Variants in OSBP observed in about 807,000 individuals in gnomAD.
OSBP encodes the protein oxysterol-binding protein 1.
Under a neutral mutation model 96.6 loss-of-function variants are expected in OSBP, and 32 were observed. The observed-to-expected ratio is 0.33, with a 90% CI of 0.25 to 0.45. The LOEUF (loss-of-function observed/expected upper bound fraction) is 0.45. Ranked by LOEUF, OSBP falls within the 20% of genes least tolerant of loss-of-function variation. The probability of loss-of-function intolerance (pLI) is 1.00; values close to 1 mark genes in which losing one functional copy is unlikely to be tolerated. For synonymous variants in OSBP, 369 were observed against 389.6 expected, an observed-to-expected ratio of 0.95 and a Z score of 0.62; for missense variants, 653 against 1,029.7, an observed-to-expected ratio of 0.63 and a Z score of 5.01.
chr11:59,584,142 C>T (rs925646050), intron 9 of OSBP, among the ~76,000 whole-genome samples: 1 of 151,696 alleles, frequency 6.6e-6, no homozygotes, highest in Non-Finnish European at 1.5e-5. Context: ...ACACAGGGTT[C>T]CACTATGTTG....
Position 59,601,694 on chromosome 11 carries a change from G to A in OSBP, c.967C>T (p.Arg323Ter). 1 of 1,613,614 alleles carries A rather than the reference G, an allele frequency of 6.2e-7. No individual in the cohort carries two copies. Among genetic ancestry groups the A allele is most frequent in the Non-Finnish European group, 8.5e-7 (1 of 1,180,026 alleles). ...KQHNHLERAF[R>*]GATVLPANTP... ...TTTGCCGGCAGCACCGTGGCTCCTC[G>A]GAAGGCCCTCTCCAGGTGATTATGC... is the stretch of plus-strand genomic sequence containing the variant. The change falls in exon 4 of 14, where the codon CGA becomes TGA. Residue 323 changes from arginine (R) to a stop codon, truncating the protein, a stop_gained. Coordinates refer to ENST00000263847, the MANE Select transcript of OSBP (RefSeq NM_002556.3). LOFTEE classifies it high-confidence loss of function.
At chr11:59,578,029 T>A in intron 12 of OSBP, 120 bp downstream of exon 12, 2 of 885,464 alleles carry the variant, frequency 2.3e-6, no homozygotes, top group Non-Finnish European at 3.5e-6. Context: ...TCCAAAAGTC[T>A]CAATTTCCCT....
At chr11:59,608,845 G>A (rs945200228) in intron 2 of OSBP, 111 bp from the exon 3 acceptor site, 65 of 1,102,358 alleles carry the variant, frequency 5.9e-5, no homozygotes, top group Non-Finnish European at 8.4e-5. Flanking sequence ...TGTGCATTCT[G>A]ACTCACTGAA....
At chr11:59,602,573 T>C (rs1346758366) in intron 3 of OSBP, among the ~76,000 whole-genome samples, 7 of 152,220 alleles carry the variant, frequency 4.6e-5, no homozygotes. Context: ...CTGCCTTGTA[T>C]TCTCCTCGCC....
At position 59,589,982 on chromosome 11, in the gene OSBP, CA is replaced by C. The variant is rs542895783; in HGVS notation, c.1678+3621del. On this transcript the variant is annotated intron_variant, in intron 9 of 13. Coordinates refer to ENST00000263847, the MANE Select transcript of OSBP (RefSeq NM_002556.3). ...TGGGTGACAGAGCAAGACTCAGTCT[CA>C]AAAAAAAAAAAGAAATTCATATTTG... Among the ~76,000 whole-genome samples, 295 of 135,844 alleles carry C rather than the reference CA, an allele frequency of 2.2e-3. 1 individual carries two copies. Among genetic ancestry groups the C allele is most frequent in the African/African-American group, 5.6e-3 (207 of 37,070 alleles). The allele number at this position is 135,844 out of a possible 152,430, so 89.1% of individuals were successfully genotyped here. A position where few individuals can be genotyped will look rare whatever the true frequency, so the allele number is the denominator to read the frequency against.
At chr11:59,600,391 T>C in intron 7 of OSBP, 105 bp downstream of exon 7, 1 of 1,208,346 alleles carries the variant, frequency 8.3e-7, no homozygotes, top group Non-Finnish European at 1.2e-6. Flanking sequence ...AAAAAGACCA[T>C]GCCACAAACT....
chr11:59,601,959 CT>C, intron 3 of OSBP, 121 bp from the exon 4 acceptor site: 1 of 818,042 alleles, frequency 1.2e-6, no homozygotes, highest in Non-Finnish European at 1.9e-6. Context: ...CAATGAAAGA[CT>C]TTCCCTTTTA....
intron 7 of OSBP, among the ~76,000 whole-genome samples, chr11:59,598,524 G>A (rs1860683999): frequency 6.6e-6 from 1 of 152,146 alleles, no homozygotes. Flanking sequence ...CCAGCTAACT[G>A]TGGCCATATA....
chr11:59,601,570 T>C, intron 4 of OSBP, 70 bp downstream of exon 4: 2 of 1,405,608 alleles, frequency 1.4e-6, no homozygotes, highest in South Asian at 2.3e-5. Context: ...GAGTTTGGAG[T>C]TCTCCTATCA....
intron 11 of OSBP, 78 bp from the exon 12 acceptor site, chr11:59,578,408 G>A: frequency 3.6e-6 from 5 of 1,383,822 alleles, no homozygotes; most frequent in Non-Finnish European, 5.0e-6. Context: ...GGAAGTCCTA[G>A]GATAAATAAT....
At chr11:59,615,244 G>A in intron 1 of OSBP, 59 bp downstream of exon 1, 3 of 1,415,270 alleles carry the variant, frequency 2.1e-6, no homozygotes, top group Non-Finnish European at 2.0e-6. Flanking sequence ...TGCCGGAGCT[G>A]GGACTGTTGG....
At chr11:59,612,710 C>A (rs543021878) in intron 1 of OSBP, among the ~76,000 whole-genome samples, 1 of 152,120 alleles carries the variant, frequency 6.6e-6, no homozygotes. Flanking sequence ...GTTCTTCAGG[C>A]ACTACAATAT....
intron 9 of OSBP, among the ~76,000 whole-genome samples, chr11:59,581,909 C>T (rs1179848449): frequency 6.6e-6 from 1 of 152,228 alleles, no homozygotes; most frequent in African/African-American, 2.4e-5. Context: ...AAGGAGCACA[C>T]ATTGGTAGTC....
chr11:59,602,072 C>T (rs1168353690), intron 3 of OSBP, among the ~76,000 whole-genome samples: 2 of 152,120 alleles, frequency 1.3e-5, no homozygotes, highest in Non-Finnish European at 1.5e-5. Context: ...TTCCTGGTCA[C>T]GAGAACCAAA....
rs1590682264 is a variant in OSBP, at chr11:59,615,701, C to T, written c.-37G>A. 4.7e-6 allele frequency: 6 copies of T among 1,270,090 alleles called. No individual in the cohort carries two copies. The Middle Eastern group carries it at 1.5e-3, about 325-fold the overall frequency. The allele number at this position is 1,270,090 out of a possible 1,614,324, so 78.7% of individuals were successfully genotyped here. On this transcript the variant is annotated 5_prime_UTR_variant, in exon 1 of 14. Coordinates refer to ENST00000263847, the MANE Select transcript of OSBP (RefSeq NM_002556.3). ...GCCTGGAGATACAAGACCGGAACCG[C>T]CTACGAGAGCCGCCGTCGCCGCCCG... is the stretch of plus-strand genomic sequence containing the variant.
In OSBP at chr11:59,578,259, C is replaced by T. The variant is rs1467766752; in HGVS notation, c.1950G>A (p.Met650Ile). ...TGACTGGCTGTACTTTGAAACATTC[C>T]ATTTTCTCATCCCACGTCCCCAGAA... ...FALLGTWDEK[M>I]ECFKVQPVIG... Residue 650 changes from methionine (M) to isoleucine (I), a missense_variant, in exon 12 of 14, where the codon ATG (methionine) becomes ATA (isoleucine). Transcript: ENST00000263847. 6.2e-7 allele frequency: 1 copy of T among 1,614,180 alleles called. No homozygotes were observed.
At chr11:59,586,178 GAA>G (rs34764421) in intron 9 of OSBP, among the ~76,000 whole-genome samples, 22 of 60,414 alleles carry the variant, frequency 3.6e-4, no homozygotes, top group South Asian at 3.4e-3. Flanking sequence ...AATAAATAAA[GAA>G]AAAAAAAAAA....
chr11:59,582,966 T>G (rs556049222), intron 9 of OSBP, among the ~76,000 whole-genome samples: 1 of 152,324 alleles, frequency 6.6e-6, no homozygotes, highest in East Asian at 1.9e-4. Flanking sequence ...ACAGCAGAGA[T>G]AATTGAGGAT....
At chr11:59,577,965 T>C (rs1473051856) in intron 12 of OSBP, among the ~76,000 whole-genome samples, 184 bp downstream of exon 12, 1 of 152,228 alleles carries the variant, frequency 6.6e-6, no homozygotes, top group East Asian at 1.9e-4. Context: ...TGAACTTCCT[T>C]GAAATAAGCA....
Sources: allele counts gnomAD v4.1 joint callset (sites outside exome capture counted in the v4.1 genomes callset), GRCh38; gene constraint gnomAD v4.1.1; transcripts MANE v1.5; gene names NCBI Gene and HGNC (gene_info 2026-07-23, HGNC 2026-07-21).